PTPN3: variants seen among roughly 807,000 people sequenced by gnomAD.
PTPN3 encodes tyrosine-protein phosphatase non-receptor type 3.
A neutral mutation model predicts 132.7 loss-of-function variants in PTPN3; 96 were observed. The ratio of observed to expected loss-of-function variants is 0.72; its 90% CI spans 0.61 to 0.86. The LOEUF (loss-of-function observed/expected upper bound fraction) is 0.86, where lower values mean the gene tolerates loss of function less well. Ranked by LOEUF, PTPN3 falls within the 40% of genes least tolerant of loss-of-function variation. The pLI is 0.00. For missense variants in PTPN3, 1,125 were observed against 1,159.6 expected, an observed-to-expected ratio of 0.97 and a Z score of 0.43; for synonymous variants, 398 against 429.0, an observed-to-expected ratio of 0.93 and a Z score of 0.89.
intron 19 of PTPN3, among the ~76,000 whole-genome samples, chr9:109,401,825 C>T (rs562304404): frequency 1.3e-5 from 2 of 152,282 alleles, no homozygotes; most frequent in East Asian, 1.9e-4. Flanking sequence ...ATGCTCCCCC[C>T]ACACACTTAA....
upstream of PTPN3, among the ~76,000 whole-genome samples, chr9:109,501,714 T>C (rs1009946270): frequency 1.3e-4 from 20 of 152,186 alleles, no homozygotes; most frequent in African/African-American, 4.6e-4. Flanking sequence ...TAAAGCCCAA[T>C]TGGGAATAGA....
Position 109,433,160 on chromosome 9 carries a change from T to C in PTPN3, c.677A>G (p.Asp226Gly). ...FYGVELHSGR[D>G]LHNLDLMIGI... ...AATCATTAGGTCTAAATTGTGCAGA[T>C]CCTGTAAAAAGGAAGATCTCAGATC... The change falls in exon 10 of 26, where the codon GAT becomes GGT. Residue 226 changes from aspartate (D) to glycine (G), a missense_variant and splice_region_variant. Physicochemically the swap from Asp to Gly is moderately conservative, Grantham distance 94 (BLOSUM62 -1). Coordinates refer to ENST00000374541, the MANE Select transcript of PTPN3 (RefSeq NM_002829.4). 1 of 1,614,012 alleles carries C rather than the reference T, an allele frequency of 6.2e-7. No homozygotes were observed. The highest frequency in any genetic ancestry group is 1.6e-4 in the Middle Eastern group (1 of 6,062).
intron 5 of PTPN3, chr9:109,450,919 CTT>C: frequency 1.0e-6 from 1 of 985,296 alleles, no homozygotes; most frequent in South Asian, 4.7e-5. Context: ...TTCTTTGACT[CTT>C]GAGAGCTAAA....
chr9:109,493,567 C>A (rs1847551371), intron 1 of PTPN3, among the ~76,000 whole-genome samples: 1 of 152,314 alleles, frequency 6.6e-6, no homozygotes, highest in Middle Eastern at 3.4e-3. Flanking sequence ...TCCATATAAA[C>A]CATCAAAATG....
At chr9:109,533,006 A>G in the PTPN3 span, 4 of 421,132 alleles carry the variant, frequency 9.5e-6, no homozygotes, top group Non-Finnish European at 1.3e-5. Context: ...CCCAGGCTGG[A>G]GTGCAATGGC....
At chr9:109,528,814 T>C in the PTPN3 span, among the ~76,000 whole-genome samples, 1 of 152,280 alleles carries the variant, frequency 6.6e-6, no homozygotes, top group South Asian at 2.1e-4. Context: ...TGTGTGTGTG[T>C]ATGTGCACCT....
At chr9:109,383,222 G>A in intron 23 of PTPN3, 1 of 774,682 alleles carries the variant, frequency 1.3e-6, no homozygotes, top group South Asian at 1.6e-5. Flanking sequence ...TGGACACTGG[G>A]CTGTTTGCAC....
chr9:109,475,816 G>T (rs944424683), intron 1 of PTPN3, among the ~76,000 whole-genome samples: 1 of 152,170 alleles, frequency 6.6e-6, no homozygotes, highest in Non-Finnish European at 1.5e-5. Context: ...CCAAGAAGCT[G>T]GAATCTCACA....
chr9:109,516,698 A>G, the PTPN3 span, among the ~76,000 whole-genome samples: 1 of 152,190 alleles, frequency 6.6e-6, no homozygotes, highest in Non-Finnish European at 1.5e-5. Context: ...TGCTTATTTA[A>G]AAGACCATCG....
At chr9:109,533,198 G>A in the PTPN3 span, among the ~76,000 whole-genome samples, 5 of 135,996 alleles carry the variant, frequency 3.7e-5, 1 homozygote, top group African/African-American at 1.4e-4. Context: ...ACTGCGGACT[G>A]CAGTGGCGCA....
At chr9:109,408,796 A>AAAAATATATATATATATAT (rs1377996219) in intron 16 of PTPN3, among the ~76,000 whole-genome samples, 1 of 108,374 alleles carries the variant, frequency 9.2e-6, no homozygotes, top group African/African-American at 3.7e-5. Flanking sequence ...AAAAAAAAAA[A>AAAAATATATATATATATAT]ATATATATAT....
At chr9:109,431,951 A>G (rs1349965673) in intron 10 of PTPN3, among the ~76,000 whole-genome samples, 1 of 151,768 alleles carries the variant, frequency 6.6e-6, no homozygotes, top group Non-Finnish European at 1.5e-5. Flanking sequence ...CAGTAATAGG[A>G]CTTGGACACA....
intron 12 of PTPN3, among the ~76,000 whole-genome samples, chr9:109,425,882 T>A (rs963632428): frequency 2.0e-5 from 3 of 151,492 alleles, no homozygotes; most frequent in Non-Finnish European, 2.9e-5. Context: ...GGCGTGGTGG[T>A]GTGCTCCTGT....
intron 2 of PTPN3, 105 bp from the exon 3 acceptor site, chr9:109,457,504 C>T (rs951371605): frequency 2.3e-4 from 187 of 820,872 alleles, no homozygotes; most frequent in Non-Finnish European, 3.3e-4. Flanking sequence ...AAATGCTATG[C>T]ACACACACTT....
chr9:109,494,632 T>C (rs1427445084), intron 1 of PTPN3, among the ~76,000 whole-genome samples: 1 of 152,168 alleles, frequency 6.6e-6, no homozygotes, highest in Admixed American at 6.5e-5. Flanking sequence ...CTCCACAGTG[T>C]CTCCTGATGC....
chr9:109,532,480 A>G, the PTPN3 span, among the ~76,000 whole-genome samples: 2 of 152,124 alleles, frequency 1.3e-5, no homozygotes, highest in Non-Finnish European at 2.9e-5. Flanking sequence ...TCAAGTTGTA[A>G]ACTTTCATTA....
intron 21 of PTPN3, among the ~76,000 whole-genome samples, chr9:109,390,129 T>C (rs577537668): frequency 4.6e-4 from 70 of 152,306 alleles, no homozygotes; most frequent in Non-Finnish European, 8.4e-4. Context: ...CTGGTCTTTA[T>C]GGTATTGCTG....
chr9:109,382,382 A>G lies in PTPN3; in HGVS notation c.2448T>C (p.Asp816=). The change falls in exon 24 of 26, where the codon GAT becomes GAC. Residue 816 remains aspartate, a synonymous_variant. Coordinates refer to ENST00000374541, the MANE Select transcript of PTPN3 (RefSeq NM_002829.4). ...CAAATTCCAGAAAGTCGGAGGAGTC[A>G]TCGGGCACACCGTGGTCAGGCCATG... The part of the protein sequence containing the change: ...YVAWPDHGVP[D]DSSDFLEFVN... The G allele has an allele frequency of 6.2e-7, 1 of 1,614,168 alleles. No individual in the cohort carries two copies. Among genetic ancestry groups the G allele is most frequent in the South Asian group, 1.1e-5 (1 of 91,080 alleles).
intron 19 of PTPN3, among the ~76,000 whole-genome samples, chr9:109,401,764 C>T (rs1318259658): frequency 2.0e-5 from 3 of 152,140 alleles, no homozygotes; most frequent in East Asian, 1.9e-4. Context: ...CTTTATGCTA[C>T]GTGATACCCC....
Sources: gnomAD v4.1 joint callset for allele counts (sites outside exome capture counted in the v4.1 genomes callset) on GRCh38, gnomAD v4.1.1 for gene constraint, MANE v1.5 for transcripts, NCBI Gene and HGNC (gene_info 2026-07-23, HGNC 2026-07-21) for gene names.